EFHC2: variants seen among roughly 807,000 people sequenced by gnomAD.
The protein encoded by EFHC2 is EF-hand domain-containing family member C2.
EFHC2 carries 18 observed loss-of-function variants against 52.7 expected under a neutral mutation model. That is an observed-to-expected ratio of 0.34 (90% CI 0.24 to 0.51). The LOEUF (loss-of-function observed/expected upper bound fraction) is 0.51. EFHC2 is among the 20% of genes least tolerant of loss of function. The probability of loss-of-function intolerance (pLI) is 0.97; values close to 1 mark genes in which losing one functional copy is unlikely to be tolerated. For missense variants in EFHC2, 513 were observed against 562.5 expected (o/e 0.91, Z 0.89); for synonymous variants, 203 against 204.1 (o/e 0.99, Z 0.04).
chrX:44,162,636 C>T (rs1168121030), intron 14 of EFHC2, among the ~76,000 whole-genome samples: 8 of 111,701 alleles, frequency 7.2e-5, no homozygotes. Flanking sequence ...GTACAAGTGC[C>T]ATGCTGTCCC....
intron 1 of EFHC2, among the ~76,000 whole-genome samples, chrX:44,327,127 C>T (rs1361198865): frequency 9.0e-6 from 1 of 111,645 alleles, no homozygotes; most frequent in Non-Finnish European, 1.9e-5. Flanking sequence ...CACCTGAGCC[C>T]TTAAGCAATG....
At chrX:44,188,853 C>T (rs535148354) in intron 11 of EFHC2, among the ~76,000 whole-genome samples, 2 of 109,487 alleles carry the variant, frequency 1.8e-5, no homozygotes, top group African/African-American at 6.7e-5. Flanking sequence ...TGCAGTGGAT[C>T]GCACCTGTAA....
chrX:44,154,200 C>T (rs1277164534), intron 14 of EFHC2, among the ~76,000 whole-genome samples: 1 of 112,984 alleles, frequency 8.9e-6, no homozygotes, highest in Non-Finnish European at 1.9e-5. Flanking sequence ...ACCTGGGTTC[C>T]TTTGCCCTTG....
intron 11 of EFHC2, among the ~76,000 whole-genome samples, chrX:44,194,635 A>G (rs2036947603): frequency 8.9e-6 from 1 of 112,052 alleles, no homozygotes; most frequent in African/African-American, 3.2e-5. Context: ...ATGCTCACCT[A>G]GTAAGTGTTT....
chrX:44,204,375 C>G (rs987908856), intron 11 of EFHC2, among the ~76,000 whole-genome samples: 3 of 111,134 alleles, frequency 2.7e-5, no homozygotes, highest in African/African-American at 9.8e-5. Context: ...TGGATCCTAA[C>G]CAGATTGAAA....
intron 1 of EFHC2, among the ~76,000 whole-genome samples, chrX:44,318,905 GAGGGACAC>G (rs905449163): frequency 1.2e-4 from 13 of 111,034 alleles, no homozygotes; most frequent in African/African-American, 3.9e-4. Context: ...AAAGTTTCCC[GAGGGACAC>G]AGGGACAATA....
intron 14 of EFHC2, among the ~76,000 whole-genome samples, chrX:44,160,703 C>T (rs139410746): frequency 0.01 from 1,169 of 111,737 alleles, 19 homozygotes; most frequent in African/African-American, 0.034. Context: ...AGGCGGATCA[C>T]AAAGTCAGGA....
chrX:44,161,002 C>T (rs775998877), intron 14 of EFHC2, among the ~76,000 whole-genome samples: 14 of 111,248 alleles, frequency 1.3e-4, no homozygotes, highest in African/African-American at 4.2e-4. Context: ...ACATATTAAA[C>T]TAGGGAAATT....
chrX:44,176,041 G>A (rs1569276828), intron 13 of EFHC2, among the ~76,000 whole-genome samples: 1 of 112,177 alleles, frequency 8.9e-6, no homozygotes, highest in Non-Finnish European at 1.9e-5. Flanking sequence ...TTTGTCCCAG[G>A]AATCTGTGGA....
intron 2 of EFHC2, among the ~76,000 whole-genome samples, chrX:44,287,375 A>G: frequency 8.9e-6 from 1 of 111,822 alleles, no homozygotes; most frequent in East Asian, 2.8e-4. Flanking sequence ...AAATGCAAGT[A>G]TTATACTCTG....
chrX:44,230,709 C>T (rs1231170780), intron 10 of EFHC2, among the ~76,000 whole-genome samples: 2 of 109,499 alleles, frequency 1.8e-5, no homozygotes, highest in Non-Finnish European at 3.8e-5. Context: ...TTATTGTCCT[C>T]AAAGGAAAAA....
intron 10 of EFHC2, among the ~76,000 whole-genome samples, chrX:44,230,234 T>C (rs2037265628): frequency 9.0e-6 from 1 of 111,393 alleles, no homozygotes; most frequent in Non-Finnish European, 1.9e-5. Flanking sequence ...CAAGGCTGGG[T>C]ATCAAAGATC....
At chrX:44,262,531 A>AAAAAAAAGAAAAG (rs2037548744) in intron 3 of EFHC2, among the ~76,000 whole-genome samples, 1 of 93,670 alleles carries the variant, frequency 1.1e-5, no homozygotes, top group African/African-American at 4.4e-5. Flanking sequence ...AAAAAAAAAA[A>AAAAAAAAGAAAAG]AAAAGAAAAG....
intron 12 of EFHC2, 137 bp downstream of exon 12, chrX:44,178,230 T>C: frequency 1.8e-6 from 1 of 561,568 alleles, no homozygotes; most frequent in Non-Finnish European, 2.8e-6. Context: ...ATTTAAGGTG[T>C]TTGTGCTAAA....
chrX:44,192,574 AT>A (rs1483085325), intron 11 of EFHC2, among the ~76,000 whole-genome samples: 1 of 111,654 alleles, frequency 9.0e-6, no homozygotes, highest in East Asian at 2.8e-4. Flanking sequence ...TTAGAAAATG[AT>A]TTTTTTAAAC....
Position 44,260,636 on chromosome X carries a change from G to A in EFHC2, c.606+439C>T, listed in dbSNP as rs753477568. ...CCTAAGAGGACCTGGAATTTCCTAG[G>A]AGGAAGAAAAAATGTGTACCCAAGG... On this transcript the variant is annotated intron_variant, in intron 4 of 14. Transcript: ENST00000420999. Among the ~76,000 whole-genome samples, 6 of 111,645 alleles carry A rather than the reference G, an allele frequency of 5.4e-5. 1 individual carries two copies. In the South Asian group the frequency reaches 2.3e-3, roughly 42 times the overall value.
chrX:44,262,094 A>G (rs765644104), intron 3 of EFHC2, among the ~76,000 whole-genome samples: 11 of 111,100 alleles, frequency 9.9e-5, no homozygotes, highest in Non-Finnish European at 1.9e-4. Context: ...TATCCAAAAG[A>G]GTGGTCAGCC....
intron 14 of EFHC2, among the ~76,000 whole-genome samples, chrX:44,162,651 C>T (rs1400903022): frequency 9.0e-6 from 1 of 111,615 alleles, no homozygotes; most frequent in Non-Finnish European, 1.9e-5. Context: ...TGTCCCATGT[C>T]CAGAGAATTC....
At chrX:44,218,442 A>G (rs919090963) in intron 11 of EFHC2, among the ~76,000 whole-genome samples, 3 of 111,875 alleles carry the variant, frequency 2.7e-5, no homozygotes, top group African/African-American at 9.7e-5. Flanking sequence ...TTTCAAAATT[A>G]TATTCTAAAG....
Sources: allele counts gnomAD v4.1 joint callset (sites outside exome capture counted in the v4.1 genomes callset), GRCh38; gene constraint gnomAD v4.1.1; transcripts MANE v1.5; gene names NCBI Gene and HGNC (gene_info 2026-07-23, HGNC 2026-07-21).